Variants in SLC30A9 observed in about 807,000 individuals in gnomAD.
SLC30A9 encodes the protein solute carrier family 30 member 9.
Under a neutral mutation model 87.5 loss-of-function variants are expected in SLC30A9, and 58 were observed. The ratio of observed to expected loss-of-function variants is 0.66; its 90% CI spans 0.54 to 0.82. SLC30A9 has a LOEUF of 0.82. SLC30A9 is among the 40% of genes least tolerant of loss of function. The pLI, the probability that SLC30A9 is intolerant of heterozygous loss-of-function variation, is 0.00. For missense variants in SLC30A9, 557 were observed against 679.1 expected (o/e 0.82, Z 2.00); for synonymous variants, 234 against 233.0 (o/e 1.00, Z -0.04).
chr4:42,045,807 G>A lies in SLC30A9; in HGVS notation c.738-3570G>A, dbSNP rs151283165. On this transcript the variant is annotated intron_variant, in intron 8 of 17. Transcript: ENST00000264451. Reference sequence around the variant, plus strand: ...CAGACCAAAATCCTTGATGAACATCGATGCAGAAATCCTCAATAAAATACT... The same window carrying A: ...CAGACCAAAATCCTTGATGAACATCAATGCAGAAATCCTCAATAAAATACT... Among the ~76,000 whole-genome samples, 9 of 152,216 alleles carry A rather than the reference G, an allele frequency of 5.9e-5. 1 individual carries two copies. The East Asian group carries it at 1.5e-3, about 26-fold the overall frequency.
intron 1 of SLC30A9, among the ~76,000 whole-genome samples, chr4:41,993,414 A>G (rs1469508071): frequency 6.6e-6 from 1 of 152,228 alleles, no homozygotes; most frequent in Non-Finnish European, 1.5e-5. Flanking sequence ...TATCTAAGTT[A>G]TAAAGAATTT....
rs1259755948 is a variant in SLC30A9 at position 42,086,062 on chromosome 4, G to A, written c.1663-20G>A. The A allele has an allele frequency of 1.5e-6, 2 of 1,307,168 alleles. No individual in the cohort carries two copies. The highest frequency in any genetic ancestry group is 1.0e-6 in the Non-Finnish European group (1 of 966,674). The allele number at this position is 1,307,168 out of a possible 1,614,324, so 81.0% of individuals were successfully genotyped here. On this transcript the variant is annotated intron_variant, in intron 17 of 17. Transcript: ENST00000264451. The stretch of plus-strand genomic sequence containing the variant: ...ATTTTATTTTGCTACAAATAATGTG[G>A]TGGTGATTTTTCTTTCCAGAAACGA...
chr4:42,066,032 G>A (rs1158167099), intron 12 of SLC30A9, among the ~76,000 whole-genome samples: 1 of 152,108 alleles, frequency 6.6e-6, no homozygotes, highest in Non-Finnish European at 1.5e-5. Flanking sequence ...GAAATACACA[G>A]CTATAGCAGT....
intron 8 of SLC30A9, among the ~76,000 whole-genome samples, chr4:42,040,801 AAAAAAAAAAG>A (rs1473887496): frequency 1.5e-4 from 19 of 123,732 alleles, no homozygotes; most frequent in African/African-American, 4.9e-4. Context: ...GTCTCAAAAA[AAAAAAAAAAG>A]AAAAAGAAAA....
At chr4:41,999,675 T>A (rs548255708) in intron 1 of SLC30A9, among the ~76,000 whole-genome samples, 1 of 151,226 alleles carries the variant, frequency 6.6e-6, no homozygotes, top group South Asian at 2.1e-4. Flanking sequence ...AACATAAAAA[T>A]TGCAGTTAAA....
intron 15 of SLC30A9, among the ~76,000 whole-genome samples, chr4:42,073,202 A>G (rs918080426): frequency 9.9e-5 from 15 of 151,998 alleles, no homozygotes; most frequent in Non-Finnish European, 2.1e-4. Flanking sequence ...GTCTCTAGTT[A>G]TTGTTGTTGT....
rs1714387373 is a variant in SLC30A9, at chr4:41,990,675, C to T, written c.24C>T (p.Ala8=). 3.7e-6 allele frequency: 6 copies of T among 1,607,818 alleles called. No individual in the cohort carries two copies. Among genetic ancestry groups the T allele is most frequent in the Non-Finnish European group, 5.1e-6 (6 of 1,176,272 alleles). The change falls in exon 1 of 18, where the codon GCC becomes GCT. Residue 8 remains alanine, a synonymous_variant. Transcript: ENST00000264451. MLPGLAA[A]AAHRCSWSSL... The stretch of plus-strand genomic sequence containing the variant: ...GGATGTTACCCGGCTTGGCCGCCGC[C>T]GCGGCCCACAGATGTAGCTGGTCCT...
intron 2 of SLC30A9, among the ~76,000 whole-genome samples, chr4:42,011,406 A>G (rs1015808660): frequency 1.3e-5 from 2 of 152,152 alleles, no homozygotes; most frequent in Non-Finnish European, 2.9e-5. Context: ...TTGGATGGGG[A>G]CACAGAGCCA....
chr4:42,069,310 T>G (rs1718209770), intron 14 of SLC30A9, among the ~76,000 whole-genome samples: 1 of 152,186 alleles, frequency 6.6e-6, no homozygotes, highest in African/African-American at 2.4e-5. Flanking sequence ...AGCTAATTTA[T>G]TCAAATTAAA....
intron 2 of SLC30A9, among the ~76,000 whole-genome samples, chr4:42,017,681 T>G (rs896437025): frequency 6.6e-6 from 1 of 152,134 alleles, no homozygotes; most frequent in African/African-American, 2.4e-5. Flanking sequence ...CATTCTTTAT[T>G]GATTGAATGG....
intron 1 of SLC30A9, among the ~76,000 whole-genome samples, chr4:41,994,583 A>C (rs17445564): frequency 0.048 from 7,310 of 151,828 alleles, 252 homozygotes; most frequent in African/African-American, 0.077. Context: ...GCTAGTATTT[A>C]TTGTCATAAG....
chr4:42,080,045 CT>C (rs1370285994), intron 17 of SLC30A9, among the ~76,000 whole-genome samples: 1 of 152,220 alleles, frequency 6.6e-6, no homozygotes. Context: ...ATATCTGCTT[CT>C]GCCTTCAGTT....
chr4:42,006,869 A>G (rs576941413), intron 2 of SLC30A9, among the ~76,000 whole-genome samples: 24 of 152,074 alleles, frequency 1.6e-4, no homozygotes, highest in Non-Finnish European at 2.5e-4. Context: ...CTTGCTCACT[A>G]TGTTTCAGCC....
intron 6 of SLC30A9, among the ~76,000 whole-genome samples, chr4:42,025,956 A>G (rs910134544): frequency 6.6e-6 from 1 of 151,390 alleles, no homozygotes; most frequent in African/African-American, 2.4e-5. Context: ...CCTGGCGATT[A>G]TCTGTTTTTT....
At chr4:41,999,116 A>G (rs1364826853) in intron 1 of SLC30A9, among the ~76,000 whole-genome samples, 2 of 152,224 alleles carry the variant, frequency 1.3e-5, no homozygotes, top group African/African-American at 4.8e-5. Context: ...TGACTAAACT[A>G]GATTGAAAAA....
intron 6 of SLC30A9, among the ~76,000 whole-genome samples, chr4:42,032,688 G>A (rs1047183119): frequency 9.9e-5 from 15 of 152,274 alleles, no homozygotes; most frequent in Admixed American, 7.2e-4. Context: ...AGATATGCAA[G>A]GAAAGAACAA....
intron 17 of SLC30A9, among the ~76,000 whole-genome samples, chr4:42,083,904 G>A (rs975230434): frequency 6.6e-6 from 1 of 152,108 alleles, no homozygotes; most frequent in Non-Finnish European, 1.5e-5. Flanking sequence ...GGATCTAAGA[G>A]GAAAGTACCC....
chr4:42,017,524 A>G (rs753839509), intron 2 of SLC30A9, among the ~76,000 whole-genome samples: 3 of 152,090 alleles, frequency 2.0e-5, no homozygotes, highest in Non-Finnish European at 4.4e-5. Context: ...ACTATAAGGC[A>G]TGTAAATACC....
At chr4:41,996,529 A>C (rs969773304) in intron 1 of SLC30A9, among the ~76,000 whole-genome samples, 11 of 151,722 alleles carry the variant, frequency 7.3e-5, no homozygotes, top group Non-Finnish European at 1.3e-4. Context: ...ACTTGAGTCC[A>C]GGAGTTTGAG....
Sources: gnomAD v4.1 joint callset for allele counts (sites outside exome capture counted in the v4.1 genomes callset) on GRCh38, gnomAD v4.1.1 for gene constraint, MANE v1.5 for transcripts, NCBI Gene and HGNC (gene_info 2026-07-23, HGNC 2026-07-21) for gene names.